KMT2E: variants seen among roughly 807,000 people sequenced by gnomAD.
The protein encoded by KMT2E is lysine methyltransferase 2E (inactive), also known as histone reader KMT2E.
In KMT2E, 30 loss-of-function variants were observed where a neutral mutation model predicts 184.6. The ratio of observed to expected loss-of-function variants is 0.16; its 90% confidence interval spans 0.12 to 0.22. The LOEUF is 0.22. Among genes scored for constraint, KMT2E ranks in the 10% least tolerant of loss-of-function variants. The probability of loss-of-function intolerance (pLI) is 1.00; values close to 1 mark genes in which losing one functional copy is unlikely to be tolerated. For missense variants in KMT2E, 2,023 were observed against 2,237.4 expected (o/e 0.90, Z 1.93); for synonymous variants, 815 against 776.5 (o/e 1.05, Z -0.82).
intron 5 of KMT2E, 75 bp from the exon 6 acceptor site, chr7:105,066,652 T>C (rs1380600194): frequency 8.5e-7 from 1 of 1,170,242 alleles, no homozygotes; most frequent in Non-Finnish European, 1.3e-6. Flanking sequence ...TAAATGATAG[T>C]TAAATGGAAT....
intron 7 of KMT2E, 59 bp downstream of exon 7, chr7:105,073,736 C>A: frequency 1.0e-6 from 1 of 998,918 alleles, no homozygotes. Flanking sequence ...ATAAACGGTT[C>A]TCTCAACTTT....
At chr7:105,035,394 C>T (rs192327596) in intron 1 of KMT2E, among the ~76,000 whole-genome samples, 1 of 151,084 alleles carries the variant, frequency 6.6e-6, no homozygotes, top group Non-Finnish European at 1.5e-5. Flanking sequence ...GTCTCGAACT[C>T]CTGACCTCAA....
intron 22 of KMT2E, chr7:105,108,451 T>A (rs1799007122): frequency 2.6e-6 from 1 of 380,900 alleles, no homozygotes; most frequent in Non-Finnish European, 5.2e-6. Flanking sequence ...ATGCCTTATT[T>A]CAAAAGAAAC....
chr7:105,112,490 A>G lies in KMT2E; in HGVS notation c.4734A>G (p.Gln1578=), dbSNP rs1799348684. The change falls in exon 27 of 27, where the codon CAA becomes CAG. Residue 1578 remains glutamine, a synonymous_variant. Coordinates refer to ENST00000311117, the MANE Select transcript of KMT2E (RefSeq NM_182931.3). ...NYNQLKGSLS[Q]QTVFTSGPNQ... is the part of the protein sequence containing the mutation. ...ATCAGCTCAAAGGTAGTCTTTCTCA[A>G]CAAACTGTGTTTACATCAGGACCAA... 2 of 1,613,966 alleles carry G rather than the reference A, an allele frequency of 1.2e-6. No individual in the cohort carries two copies. The highest frequency in any genetic ancestry group is 1.3e-5 in the African/African-American group (1 of 74,872).
intron 1 of KMT2E, among the ~76,000 whole-genome samples, chr7:105,026,124 GTTAAC>G (rs777943148): frequency 1.3e-5 from 2 of 152,126 alleles, no homozygotes; most frequent in Non-Finnish European, 2.9e-5. Flanking sequence ...AATTCTCCAT[GTTAAC>G]TTTGATGAAC....
intron 6 of KMT2E, among the ~76,000 whole-genome samples, chr7:105,068,504 G>A (rs911918168): frequency 1.3e-4 from 19 of 151,070 alleles, no homozygotes; most frequent in Non-Finnish European, 1.8e-4. Context: ...AACAGGCTAC[G>A]TGTGACCACA....
At position 105,026,950 on chromosome 7, in the gene KMT2E, A is replaced by G. The variant is rs552031874; in HGVS notation, c.-188-11176A>G. 1.7e-3 allele frequency among the ~76,000 whole-genome samples: 265 copies of G among 152,296 alleles called. 1 individual carries two copies. Among genetic ancestry groups the G allele is most frequent in the Non-Finnish European group, 2.5e-3 (172 of 68,026 alleles). ...TTTTGGGAAAAGCAATTCTAGTTCAATCCCCAGCTACACACAGCAATTTCC... is the reference window on the plus strand; with the variant it reads ...TTTTGGGAAAAGCAATTCTAGTTCAGTCCCCAGCTACACACAGCAATTTCC... On this transcript the variant is annotated intron_variant, in intron 1 of 26. Coordinates refer to ENST00000311117, the MANE Select transcript of KMT2E (RefSeq NM_182931.3).
At chr7:105,029,740 G>C (rs1256391798) in intron 1 of KMT2E, among the ~76,000 whole-genome samples, 1 of 152,188 alleles carries the variant, frequency 6.6e-6, no homozygotes, top group Non-Finnish European at 1.5e-5. Context: ...TTGAAGGCTT[G>C]ATTTTTGAAG....
intron 23 of KMT2E, among the ~76,000 whole-genome samples, chr7:105,109,870 G>A (rs2129570056): frequency 6.8e-6 from 1 of 146,854 alleles, no homozygotes; most frequent in South Asian, 2.1e-4. Context: ...TTGAGCTGGA[G>A]TCTTGCTCTG....
At chr7:105,055,607 T>A (rs1023725167) in intron 3 of KMT2E, among the ~76,000 whole-genome samples, 1 of 152,228 alleles carries the variant, frequency 6.6e-6, no homozygotes, top group Non-Finnish European at 1.5e-5. Flanking sequence ...TAAGTAGAGC[T>A]GTGAAAAGTA....
At chr7:105,080,958 G>A (rs1165457901) in intron 12 of KMT2E, among the ~76,000 whole-genome samples, 1 of 152,116 alleles carries the variant, frequency 6.6e-6, no homozygotes, top group African/African-American at 2.4e-5. Context: ...AGCCAAGATT[G>A]CATCATTGCA....
chr7:105,020,831 TA>T (rs1249487442), intron 1 of KMT2E, among the ~76,000 whole-genome samples: 1 of 152,154 alleles, frequency 6.6e-6, no homozygotes, highest in Non-Finnish European at 1.5e-5. Flanking sequence ...TGGTTTTTAG[TA>T]AAAAGTGAGG....
intron 12 of KMT2E, among the ~76,000 whole-genome samples, chr7:105,080,401 T>A (rs1263712915): frequency 6.6e-6 from 1 of 151,368 alleles, no homozygotes; most frequent in Non-Finnish European, 1.5e-5. Context: ...TTTTTTTTCC[T>A]CTCTTTTCTT....
intron 14 of KMT2E, among the ~76,000 whole-genome samples, chr7:105,090,580 GTCTT>G (rs1472133258): frequency 3.3e-5 from 5 of 152,112 alleles, no homozygotes; most frequent in African/African-American, 1.2e-4. Context: ...CTTATTTAAA[GTCTT>G]AAGCTGCAAA....
At chr7:105,099,407 T>C (rs1357893560) in intron 15 of KMT2E, among the ~76,000 whole-genome samples, 3 of 152,226 alleles carry the variant, frequency 2.0e-5, no homozygotes, top group Non-Finnish European at 4.4e-5. Flanking sequence ...ACATTATTTT[T>C]TAAGATCCTG....
intron 23 of KMT2E, 136 bp from the exon 24 acceptor site, chr7:105,110,144 T>C: frequency 1.4e-6 from 1 of 721,808 alleles, no homozygotes; most frequent in Non-Finnish European, 2.3e-6. Flanking sequence ...AGATTAACTA[T>C]TTTCAAAGGT....
chr7:105,036,875 T>G (rs1416741014), intron 1 of KMT2E, among the ~76,000 whole-genome samples: 1 of 152,248 alleles, frequency 6.6e-6, no homozygotes, highest in Non-Finnish European at 1.5e-5. Flanking sequence ...TGTAAGATCA[T>G]CAGCCTAATC....
chr7:105,077,204 C>A lies in KMT2E; in HGVS notation c.999+11C>A. The A allele has an allele frequency of 1.2e-6, 2 of 1,608,844 alleles. No homozygotes were observed. The highest frequency in any genetic ancestry group is 1.7e-6 in the Non-Finnish European group (2 of 1,175,894). On this transcript the variant is annotated intron_variant, in intron 10 of 26. Coordinates refer to ENST00000311117, the MANE Select transcript of KMT2E (RefSeq NM_182931.3). The stretch of plus-strand genomic sequence containing the variant: ...AAACCTCCTGTAGAGGTAAATACAT[C>A]ATTTGTCCAAAAATTGTAAAGCAGT...
chr7:105,035,022 A>G (rs1227034215), intron 1 of KMT2E, among the ~76,000 whole-genome samples: 1 of 129,716 alleles, frequency 7.7e-6, no homozygotes, highest in Admixed American at 7.9e-5. Flanking sequence ...CACCTGGCTA[A>G]TTTTTTTTTT....
Sources: allele counts gnomAD v4.1 joint callset (sites outside exome capture counted in the v4.1 genomes callset), GRCh38; gene constraint gnomAD v4.1.1; transcripts MANE v1.5; gene names NCBI Gene and HGNC (gene_info 2026-07-23, HGNC 2026-07-21).